The following CAST variants were observed in gnomAD, a reference collection of about 807,000 sequenced individuals.
CAST encodes the protein MIR583 host.
A neutral mutation model predicts 119.6 loss-of-function variants in CAST; 76 were observed. That is an observed-to-expected ratio of 0.64 (90% confidence interval 0.53 to 0.77). The LOEUF (loss-of-function observed/expected upper bound fraction) is 0.77, where lower values mean the gene tolerates loss of function less well. CAST is among the 30% of genes least tolerant of loss of function. CAST has a pLI of 0.00. For synonymous variants in CAST, 319 were observed against 331.6 expected, an observed-to-expected ratio of 0.96 and a Z score of 0.41; for missense variants, 953 against 946.5, an observed-to-expected ratio of 1.01 and a Z score of -0.09.
chr5:96,549,187 A>C (rs944828938), intron 1 of CAST, among the ~76,000 whole-genome samples: 5 of 152,240 alleles, frequency 3.3e-5, no homozygotes, highest in Admixed American at 3.3e-4. Context: ...AAATGATAAA[A>C]TTCTGTGCTA....
chr5:96,238,301 T>TTTCTTCTTCTTCCTCTTCTTCTTCTTC, the CAST span, among the ~76,000 whole-genome samples: 2 of 94,804 alleles, frequency 2.1e-5, no homozygotes, highest in East Asian at 6.7e-4. Context: ...TGCAAATCTG[T>TTTCTTCTTCTTCCTCTTCTTCTTCTTC]TTCTTCTTCT....
At chr5:96,280,352 G>T in the CAST span, among the ~76,000 whole-genome samples, 1 of 152,082 alleles carries the variant, frequency 6.6e-6, no homozygotes, top group African/African-American at 2.4e-5. Flanking sequence ...ATAAAGTTTT[G>T]TCTCTCAGCC....
the CAST span, among the ~76,000 whole-genome samples, chr5:96,324,284 A>C: frequency 6.6e-6 from 1 of 152,230 alleles, no homozygotes; most frequent in Non-Finnish European, 1.5e-5. Context: ...CTGACATTCT[A>C]AGTCTGACTC....
At chr5:95,993,263 A>G in the CAST span, among the ~76,000 whole-genome samples, 2 of 152,240 alleles carry the variant, frequency 1.3e-5, no homozygotes, top group Non-Finnish European at 2.9e-5. Context: ...CCTACACAGA[A>G]ATTAATGTGG....
At chr5:96,415,561 C>T in the CAST span, among the ~76,000 whole-genome samples, 1 of 152,140 alleles carries the variant, frequency 6.6e-6, no homozygotes, top group Non-Finnish European at 1.5e-5. Flanking sequence ...CAATTAAATC[C>T]TACATCCTTG....
chr5:96,711,501 T>C (rs1263962710), intron 3 of CAST, among the ~76,000 whole-genome samples: 1 of 152,202 alleles, frequency 6.6e-6, no homozygotes, highest in Non-Finnish European at 1.5e-5. Flanking sequence ...ACTACTGTGC[T>C]AAGTGATTTA....
At position 96,746,564 on chromosome 5, in the gene CAST, T is replaced by C. The variant is rs939993152; in HGVS notation, c.1284+139T>C. The C allele has an allele frequency of 1.1e-5, 8 of 696,192 alleles. No homozygotes were observed. In the South Asian group the frequency reaches 1.4e-4, roughly 12 times the overall value. 43.1% of individuals were successfully genotyped at this position (696,192 alleles called of 1,614,324 possible). A position where few individuals can be genotyped will look rare whatever the true frequency, so the allele number is the denominator to read the frequency against. ...ACTCTGAAAACCCTGAACCTTTTTT[T>C]CTCTGCTCCCTACAGTTAGACCCCT... is the stretch of plus-strand genomic sequence containing the variant. On this transcript the variant is annotated intron_variant, in intron 17 of 31. Coordinates refer to ENST00000675179, the MANE Select transcript of CAST (RefSeq NM_001750.7).
chr5:96,067,389 A>G, the CAST span, among the ~76,000 whole-genome samples: 1 of 152,184 alleles, frequency 6.6e-6, no homozygotes, highest in Non-Finnish European at 1.5e-5. Flanking sequence ...GTCTCTAAAT[A>G]ATTACCAGGG....
chr5:96,080,676 G>A, the CAST span, among the ~76,000 whole-genome samples: 1 of 152,180 alleles, frequency 6.6e-6, no homozygotes, highest in Non-Finnish European at 1.5e-5. Flanking sequence ...ATGTGGCTTA[G>A]ACAATTGTGG....
At chr5:96,037,068 T>C in the CAST span, among the ~76,000 whole-genome samples, 1 of 152,020 alleles carries the variant, frequency 6.6e-6, no homozygotes, top group Non-Finnish European at 1.5e-5. Flanking sequence ...ACACTAATAA[T>C]CTTATCTCTT....
At chr5:95,992,479 G>C in the CAST span, among the ~76,000 whole-genome samples, 1 of 151,564 alleles carries the variant, frequency 6.6e-6, no homozygotes. Flanking sequence ...ACCAAACTGG[G>C]GGACATTGCA....
At chr5:96,269,655 C>T in the CAST span, among the ~76,000 whole-genome samples, 34 of 152,018 alleles carry the variant, frequency 2.2e-4, no homozygotes, top group African/African-American at 8.0e-4. Flanking sequence ...AATTGGAAAA[C>T]CTAGAAAAGT....
the CAST span, among the ~76,000 whole-genome samples, chr5:96,326,928 C>T: frequency 6.6e-6 from 1 of 152,116 alleles, no homozygotes; most frequent in East Asian, 1.9e-4. Context: ...TATCCGTCTG[C>T]TCAGAAGTGG....
chr5:96,291,935 C>T, the CAST span, among the ~76,000 whole-genome samples: 9 of 150,052 alleles, frequency 6.0e-5, no homozygotes, highest in South Asian at 4.2e-4. Flanking sequence ...TTTCCTGTTT[C>T]TTCCAAATAT....
chr5:96,514,901 G>A, the CAST span, among the ~76,000 whole-genome samples: 924 of 152,132 alleles, frequency 6.1e-3, 5 homozygotes, highest in African/African-American at 0.021. Context: ...TCAGGTGTGC[G>A]CCACCATGGC....
At chr5:96,142,962 T>C in the CAST span, among the ~76,000 whole-genome samples, 1 of 152,154 alleles carries the variant, frequency 6.6e-6, no homozygotes, top group Admixed American at 6.5e-5. Flanking sequence ...ATTCAGTAGA[T>C]TAGAAACAGA....
chr5:96,382,181 T>C, the CAST span, among the ~76,000 whole-genome samples: 1 of 152,216 alleles, frequency 6.6e-6, no homozygotes, highest in Non-Finnish European at 1.5e-5. Flanking sequence ...ATTTCCTCTT[T>C]CCATAGGATT....
At chr5:96,771,357 T>C (rs1232659881) in intron 30 of CAST, among the ~76,000 whole-genome samples, 1 of 152,082 alleles carries the variant, frequency 6.6e-6, no homozygotes, top group East Asian at 1.9e-4. Flanking sequence ...GAATGAAACA[T>C]TGCCATTTAA....
chr5:95,992,293 A>G, the CAST span, among the ~76,000 whole-genome samples: 1 of 152,220 alleles, frequency 6.6e-6, no homozygotes, highest in Non-Finnish European at 1.5e-5. Context: ...TTCAATTCCA[A>G]TCAAAATCCT....
Sources: gnomAD v4.1 joint callset for allele counts (sites outside exome capture counted in the v4.1 genomes callset) on GRCh38, gnomAD v4.1.1 for gene constraint, MANE v1.5 for transcripts, NCBI Gene and HGNC (gene_info 2026-07-23, HGNC 2026-07-21) for gene names.